The following TAFA1 variants were observed in gnomAD, a reference collection of about 807,000 sequenced individuals.
TAFA1 encodes the protein TAFA chemokine like family member 1, also known as chemokine-like protein TAFA-1.
A neutral mutation model predicts 18.5 loss-of-function variants in TAFA1; 4 were observed. The ratio of observed to expected loss-of-function variants is 0.22; its 90% confidence interval spans 0.11 to 0.49. The LOEUF (loss-of-function observed/expected upper bound fraction) is 0.49, where lower values mean the gene tolerates loss of function less well. Among genes scored for constraint, TAFA1 ranks in the 20% least tolerant of loss-of-function variants. TAFA1 has a pLI of 0.98. For synonymous variants in TAFA1, 56 were observed against 55.2 expected (o/e 1.01, Z -0.06); for missense variants, 147 against 169.0 (o/e 0.87, Z 0.72).
intron 2 of TAFA1, among the ~76,000 whole-genome samples, chr3:68,131,806 G>T (rs931573448): frequency 2.0e-5 from 3 of 152,152 alleles, no homozygotes; most frequent in Non-Finnish European, 2.9e-5. Context: ...GTAGAATGGG[G>T]TATATTGCTT....
chr3:68,173,889 AT>A (rs1461518688), intron 2 of TAFA1, among the ~76,000 whole-genome samples: 2 of 78,660 alleles, frequency 2.5e-5, no homozygotes, highest in African/African-American at 9.0e-5. Context: ...TAACAGGGTT[AT>A]AGGATATTTA....
upstream of TAFA1, among the ~76,000 whole-genome samples, chr3:68,002,586 T>A (rs1704295396): frequency 6.6e-6 from 1 of 152,258 alleles, no homozygotes; most frequent in African/African-American, 2.4e-5. Context: ...AAATGCCTGG[T>A]GTAATATGTA....
intron 2 of TAFA1, among the ~76,000 whole-genome samples, chr3:68,070,577 C>T (rs554497076): frequency 1.3e-4 from 20 of 152,342 alleles, no homozygotes; most frequent in Middle Eastern, 3.4e-3. Flanking sequence ...TAAATTTCTG[C>T]AGCCAGCTTG....
intron 2 of TAFA1, among the ~76,000 whole-genome samples, chr3:68,360,952 G>T (rs554666128): frequency 6.6e-6 from 1 of 151,812 alleles, no homozygotes; most frequent in Non-Finnish European, 1.5e-5. Flanking sequence ...TTATGATTTC[G>T]GTCTTCTGTT....
At chr3:68,532,534 C>T (rs993006285) in intron 3 of TAFA1, among the ~76,000 whole-genome samples, 1 of 152,120 alleles carries the variant, frequency 6.6e-6, no homozygotes, top group Non-Finnish European at 1.5e-5. Context: ...CCAAAAAACA[C>T]AGCATTTCAG....
In TAFA1 at chr3:68,086,313, G is replaced by A. The variant is rs533120882; in HGVS notation, c.118+79569G>A. On this transcript the variant is annotated intron_variant, in intron 2 of 4. Coordinates refer to ENST00000478136, the MANE Select transcript of TAFA1 (RefSeq NM_213609.4). ...ACCAGGGTCAGGTGTCAGTAACTGT[G>A]TAGAATACAGGGTATCTTTAGGGCT... 9.8e-5 allele frequency among the ~76,000 whole-genome samples: 15 copies of A among 152,332 alleles called. No individual in the cohort carries two copies. In the South Asian group the frequency reaches 2.5e-3, roughly 25 times the overall value.
chr3:68,076,161 C>A (rs2064821017), intron 2 of TAFA1, among the ~76,000 whole-genome samples: 1 of 152,126 alleles, frequency 6.6e-6, no homozygotes, highest in African/African-American at 2.4e-5. Context: ...AAGACCTGAA[C>A]CCAGTGTTTT....
intron 3 of TAFA1, among the ~76,000 whole-genome samples, chr3:68,517,086 T>C (rs1223172899): frequency 6.6e-6 from 1 of 152,188 alleles, no homozygotes; most frequent in Non-Finnish European, 1.5e-5. Flanking sequence ...TTGTTCCTGT[T>C]TCCATTTCCT....
At chr3:68,098,334 C>T (rs2065111108) in intron 2 of TAFA1, among the ~76,000 whole-genome samples, 1 of 152,050 alleles carries the variant, frequency 6.6e-6, no homozygotes, top group African/African-American at 2.4e-5. Flanking sequence ...TTCTATTATG[C>T]TGTGCCACTT....
At chr3:68,228,606 A>G (rs912415267) in intron 2 of TAFA1, among the ~76,000 whole-genome samples, 3 of 152,180 alleles carry the variant, frequency 2.0e-5, no homozygotes, top group Non-Finnish European at 4.4e-5. Flanking sequence ...CTCTCCTACT[A>G]TACTATGAAT....
intron 2 of TAFA1, among the ~76,000 whole-genome samples, chr3:68,227,834 A>AT (rs1213732991): frequency 3.3e-5 from 5 of 152,208 alleles, no homozygotes; most frequent in South Asian, 2.1e-4. Flanking sequence ...TATTAAAATG[A>AT]TTTTTTTCCC....
chr3:68,132,035 T>C (rs758529866), intron 2 of TAFA1, among the ~76,000 whole-genome samples: 19 of 152,216 alleles, frequency 1.2e-4, no homozygotes, highest in African/African-American at 4.6e-4. Flanking sequence ...CTCTAGCCCC[T>C]CATCCCCCGG....
At position 68,270,849 on chromosome 3, in the gene TAFA1, G is replaced by A. The variant is rs532390808; in HGVS notation, c.119-146431G>A. On this transcript the variant is annotated intron_variant, in intron 2 of 4. Transcript: ENST00000478136. Reference sequence around the variant, plus strand: ...AAGTTTATTAATGAAGCACCTGGGGGGCATTTAGCATACATGAGCTTTTGT... The same window carrying A: ...AAGTTTATTAATGAAGCACCTGGGGAGCATTTAGCATACATGAGCTTTTGT... Among the ~76,000 whole-genome samples, 3 of 152,212 alleles carry A rather than the reference G, an allele frequency of 2.0e-5. No individual in the cohort carries two copies. In the South Asian group the frequency reaches 6.2e-4, roughly 32 times the overall value.
intron 3 of TAFA1, among the ~76,000 whole-genome samples, chr3:68,491,040 T>A (rs1575917998): frequency 6.6e-6 from 1 of 152,148 alleles, no homozygotes; most frequent in East Asian, 1.9e-4. Context: ...GATTTTATCC[T>A]CTTGCCCAGG....
upstream of TAFA1, among the ~76,000 whole-genome samples, chr3:67,999,287 C>CTGTGTGTATGTGTGTG (rs1553702110): frequency 6.8e-6 from 1 of 147,662 alleles, no homozygotes; most frequent in Non-Finnish European, 1.5e-5. Flanking sequence ...CCCCCTCTCT[C>CTGTGTGTATGTGTGTG]TGTGTGTGTG....
At chr3:68,357,625 A>T (rs2106787049) in intron 2 of TAFA1, among the ~76,000 whole-genome samples, 1 of 152,028 alleles carries the variant, frequency 6.6e-6, no homozygotes, top group East Asian at 1.9e-4. Context: ...CAATTAGCTG[A>T]CAAGTGGTTA....
At chr3:68,293,411 C>G (rs1049167885) in intron 2 of TAFA1, among the ~76,000 whole-genome samples, 1 of 152,108 alleles carries the variant, frequency 6.6e-6, no homozygotes, top group African/African-American at 2.4e-5. Context: ...AAAAAAAAAT[C>G]CCTGTTGTAG....
At chr3:68,213,361 C>T (rs1436458190) in intron 2 of TAFA1, among the ~76,000 whole-genome samples, 2 of 152,022 alleles carry the variant, frequency 1.3e-5, no homozygotes, top group East Asian at 1.9e-4. Context: ...TGAATGTCAT[C>T]GTTATTTTCT....
At chr3:68,336,170 G>A (rs1002186547) in intron 2 of TAFA1, among the ~76,000 whole-genome samples, 1 of 152,180 alleles carries the variant, frequency 6.6e-6, no homozygotes, top group Non-Finnish European at 1.5e-5. Flanking sequence ...TTGTTGTGGG[G>A]ATTAGATGCA....
Sources: gnomAD v4.1 joint callset for allele counts (sites outside exome capture counted in the v4.1 genomes callset) on GRCh38, gnomAD v4.1.1 for gene constraint, MANE v1.5 for transcripts, NCBI Gene and HGNC (gene_info 2026-07-23, HGNC 2026-07-21) for gene names.